EYS: variants seen among roughly 807,000 people sequenced by gnomAD.
EYS encodes EGF-like photoreceptor maintenance factor, also known as protein eyes shut homolog.
Under a neutral mutation model 282.1 loss-of-function variants are expected in EYS, and 250 were observed. That is an observed-to-expected ratio of 0.89 (90% CI 0.80 to 0.98). The LOEUF is 0.98. EYS is among the 50% of genes least tolerant of loss of function. EYS has a pLI of 0.00. For missense variants in EYS, 4,016 were observed against 3,709.0 expected (o/e 1.08, Z -2.15); for synonymous variants, 1,355 against 1,282.9 (o/e 1.06, Z -1.20).
At chr6:64,122,294 GCA>G (rs1384957455) in intron 31 of EYS, among the ~76,000 whole-genome samples, 1 of 152,098 alleles carries the variant, frequency 6.6e-6, no homozygotes. Flanking sequence ...CACTTTCATA[GCA>G]TAGCATGAAA....
chr6:64,255,960 A>G (rs980238858), intron 30 of EYS, among the ~76,000 whole-genome samples: 22 of 152,040 alleles, frequency 1.4e-4, no homozygotes, highest in African/African-American at 3.4e-4. Context: ...CCAAATAATT[A>G]AAATTCATAT....
intron 1 of EYS, among the ~76,000 whole-genome samples, chr6:65,700,207 TCA>T (rs1198993640): frequency 6.7e-6 from 1 of 150,298 alleles, no homozygotes; most frequent in African/African-American, 2.5e-5. Flanking sequence ...TTTGGAGAGA[TCA>T]TAGCTGCTCA....
At chr6:65,173,705 AT>A (rs1163934780) in intron 12 of EYS, among the ~76,000 whole-genome samples, 2 of 151,178 alleles carry the variant, frequency 1.3e-5, no homozygotes, top group African/African-American at 4.8e-5. Context: ...TTGGCAAATC[AT>A]CTGACATACA....
At chr6:64,508,551 T>TTTATTATTATTATTA (rs34222008) in intron 26 of EYS, among the ~76,000 whole-genome samples, 16 of 142,502 alleles carry the variant, frequency 1.1e-4, no homozygotes, top group East Asian at 1.0e-3. Context: ...TTTCTAAGTA[T>TTTATTATTATTATTA]TTATTATTAT....
intron 2 of EYS, among the ~76,000 whole-genome samples, chr6:65,592,392 CTT>C (rs1251215953): frequency 2.0e-5 from 3 of 151,974 alleles, no homozygotes; most frequent in African/African-American, 7.2e-5. Context: ...CATCTGGTAA[CTT>C]TTATGAAACA....
At chr6:65,388,778 T>C (rs780012669) in intron 7 of EYS, among the ~76,000 whole-genome samples, 2 of 152,114 alleles carry the variant, frequency 1.3e-5, no homozygotes, top group Non-Finnish European at 2.9e-5. Flanking sequence ...AACATATATA[T>C]TCTTTTTTGT....
Position 65,066,396 on chromosome 6 carries a change from A to G in EYS, c.2024-8669T>C, listed in dbSNP as rs189543171. Among the ~76,000 whole-genome samples the G allele has an allele frequency of 5.3e-5, 8 of 152,296 alleles. No homozygotes were observed. In the East Asian group the frequency reaches 9.7e-4, roughly 18 times the overall value. Reference sequence around the variant, plus strand: ...ACTCTTGGCAATTATACACTTGCAGATTTCCTAATATTCTCAGGTGAAATA... The same window carrying G: ...ACTCTTGGCAATTATACACTTGCAGGTTTCCTAATATTCTCAGGTGAAATA... On this transcript the variant is annotated intron_variant, in intron 12 of 42. Coordinates refer to ENST00000503581, the MANE Select transcript of EYS (RefSeq NM_001142800.2).
chr6:65,243,946 C>T (rs1330347524), intron 12 of EYS, among the ~76,000 whole-genome samples: 1 of 152,084 alleles, frequency 6.6e-6, no homozygotes, highest in Non-Finnish European at 1.5e-5. Flanking sequence ...TTCCATTTTG[C>T]TAGTTGTATT....
chr6:64,927,268 A>T (rs190153106), intron 15 of EYS, among the ~76,000 whole-genome samples: 16 of 152,268 alleles, frequency 1.1e-4, no homozygotes, highest in African/African-American at 3.8e-4. Context: ...CTGGCTTATC[A>T]TTTTGAAAGC....
intron 28 of EYS, among the ~76,000 whole-genome samples, chr6:64,424,974 G>A (rs1429167829): frequency 6.6e-6 from 1 of 152,146 alleles, no homozygotes; most frequent in Admixed American, 6.6e-5. Context: ...GAGGCCACAC[G>A]GAACCAATGT....
intron 12 of EYS, among the ~76,000 whole-genome samples, chr6:65,223,286 G>C (rs1766522359): frequency 6.6e-6 from 1 of 152,100 alleles, no homozygotes; most frequent in South Asian, 2.1e-4. Flanking sequence ...AGAATCACTT[G>C]AACCCAGGTG....
chr6:64,837,104 T>C (rs1207439573), intron 19 of EYS, among the ~76,000 whole-genome samples: 5 of 151,782 alleles, frequency 3.3e-5, no homozygotes, highest in Admixed American at 3.3e-4. Context: ...TAATAGGTTA[T>C]AGCAATAAAA....
intron 5 of EYS, among the ~76,000 whole-genome samples, chr6:65,471,546 C>A (rs2127240856): frequency 6.6e-6 from 1 of 152,216 alleles, no homozygotes; most frequent in Admixed American, 6.5e-5. Flanking sequence ...ATATCACAAC[C>A]AGCTTTTCAC....
intron 37 of EYS, among the ~76,000 whole-genome samples, chr6:63,791,112 G>A (rs1770498948): frequency 6.6e-6 from 1 of 152,092 alleles, no homozygotes; most frequent in Non-Finnish European, 1.5e-5. Flanking sequence ...AAGAGGGTTA[G>A]GAAAGCAAAA....
intron 10 of EYS, among the ~76,000 whole-genome samples, chr6:65,337,409 T>G (rs913998294): frequency 6.6e-6 from 1 of 151,390 alleles, no homozygotes; most frequent in African/African-American, 2.4e-5. Flanking sequence ...GTTGTAAAGT[T>G]TTTTTTCAAT....
intron 29 of EYS, among the ~76,000 whole-genome samples, chr6:64,315,101 C>A (rs532290241): frequency 6.6e-6 from 1 of 151,906 alleles, no homozygotes; most frequent in Non-Finnish European, 1.5e-5. Context: ...ATATCACCAC[C>A]GATTTCACAG....
At chr6:65,571,632 T>A (rs1764479506) in intron 2 of EYS, among the ~76,000 whole-genome samples, 1 of 152,028 alleles carries the variant, frequency 6.6e-6, no homozygotes, top group African/African-American at 2.4e-5. Context: ...CATATTCTGA[T>A]CCACTATAAT....
rs546329001 is a variant in EYS, at chr6:64,144,092, T to G, written c.6425-62090A>C. Among the ~76,000 whole-genome samples, 37 of 152,296 alleles carry G rather than the reference T, an allele frequency of 2.4e-4. No homozygotes were observed. The South Asian group carries it at 7.5e-3, about 31-fold the overall frequency. The stretch of plus-strand genomic sequence containing the variant: ...ATTCCCAGGCATGTACAACAACTCA[T>G]TAAGCTAAATGAATTGCTAATGCTG... On this transcript the variant is annotated intron_variant, in intron 31 of 42. Transcript: ENST00000503581.
intron 41 of EYS, among the ~76,000 whole-genome samples, chr6:63,728,834 C>A (rs932587673): frequency 1.3e-5 from 2 of 152,212 alleles, no homozygotes; most frequent in South Asian, 4.2e-4. Context: ...GTTTTCAGCT[C>A]CTTTGGACAA....
Sources: gnomAD v4.1 joint callset for allele counts (sites outside exome capture counted in the v4.1 genomes callset) on GRCh38, gnomAD v4.1.1 for gene constraint, MANE v1.5 for transcripts, NCBI Gene and HGNC (gene_info 2026-07-23, HGNC 2026-07-21) for gene names.